KIFC3: variants seen among roughly 807,000 people sequenced by gnomAD.
KIFC3 encodes kinesin-like protein KIFC3.
Under a neutral mutation model 101.8 loss-of-function variants are expected in KIFC3, and 60 were observed. That is an observed-to-expected ratio of 0.59 (90% CI 0.48 to 0.73). KIFC3 has a LOEUF of 0.73. KIFC3 is among the 30% of genes least tolerant of loss of function. The pLI, the probability that KIFC3 is intolerant of heterozygous loss-of-function variation, is 0.00. For missense variants in KIFC3, 966 were observed against 1,137.1 expected (o/e 0.85, Z 2.16); for synonymous variants, 476 against 482.7 (o/e 0.99, Z 0.18).
intron 1 of KIFC3, among the ~76,000 whole-genome samples, chr16:57,853,418 C>CAAAATAAAATAAAATAAAAT (rs71385127): frequency 1.2e-4 from 18 of 146,104 alleles, no homozygotes; most frequent in African/African-American, 3.3e-4. Flanking sequence ...GACTCCATCT[C>CAAAATAAAATAAAATAAAAT]AAAATAAAAT....
At position 57,802,064 on chromosome 16, in the gene KIFC3, A is replaced by G. The variant is rs1343257676; in HGVS notation, c.-40+306T>C. On this transcript the variant is annotated intron_variant, in intron 1 of 19. Transcript: ENST00000445690. The surrounding 1 kb of genome is among the most constrained non-coding windows in gnomAD (Gnocchi z 5.0). Reference sequence around the variant, plus strand: ...GAGGGCGGCGCCGATTGACAAGCCCATCCCGGGTAGGGTCTGCGCTCTTCT... The same window carrying G: ...GAGGGCGGCGCCGATTGACAAGCCCGTCCCGGGTAGGGTCTGCGCTCTTCT... 1.3e-5 allele frequency among the ~76,000 whole-genome samples: 2 copies of G among 152,232 alleles called. No individual in the cohort carries two copies. The highest frequency in any genetic ancestry group is 2.9e-5 in the Non-Finnish European group (2 of 68,028).
At chr16:57,847,860 G>A (rs866260361) in intron 1 of KIFC3, among the ~76,000 whole-genome samples, 2 of 148,284 alleles carry the variant, frequency 1.3e-5, no homozygotes, top group African/African-American at 5.0e-5. Context: ...ATCTCAGCTC[G>A]CTGCAACCTC....
chr16:57,832,606 C>T lies in KIFC3; in HGVS notation c.108+30123G>A, dbSNP rs147095476. Among the ~76,000 whole-genome samples the T allele has an allele frequency of 3.0e-3, 461 of 152,114 alleles. 1 individual carries two copies. Among genetic ancestry groups the T allele is most frequent in the Middle Eastern group, 0.017 (5 of 294 alleles). On this transcript the variant is annotated intron_variant, in intron 1 of 2. Coordinates refer to the KIFC3 transcript ENST00000563028. ...CTAAGATTATAGACGTGAGCCACCGCGCCTGGCCGCAAGGTGAATTTTTTT... is the reference window on the plus strand; with the variant it reads ...CTAAGATTATAGACGTGAGCCACCGTGCCTGGCCGCAAGGTGAATTTTTTT...
rs782217741 is a variant in KIFC3 at position 57,798,110 on chromosome 16, C to T, written c.134G>A (p.Arg45His). 7.6e-6 allele frequency: 12 copies of T among 1,582,600 alleles called. No individual in the cohort carries two copies. The highest frequency in any genetic ancestry group is 2.3e-5 in the East Asian group (1 of 43,224). Residue 45 changes from arginine to histidine, a missense_variant, in exon 2 of 20, where the codon CGC becomes CAC. Physicochemically the swap from Arg to His is conservative, Grantham distance 29 (BLOSUM62 0). Coordinates refer to ENST00000445690, the MANE Select transcript of KIFC3 (RefSeq NM_001130100.2). ...CCCCGGGCCGGTGTGTGGGAAAGGGCGGGCGGCCGGGCTGGCTGGGGCTGG... is the reference window on the plus strand; with the variant it reads ...CCCCGGGCCGGTGTGTGGGAAAGGGTGGGCGGCCGGGCTGGCTGGGGCTGG... ...PAPAPASPAA[R>H]PFPHTGPGRL...
rs2050899967 is a variant in KIFC3 at position 57,769,577 on chromosome 16, C to T, written c.1218+18G>A. 1 of 1,603,680 alleles carries T rather than the reference C, an allele frequency of 6.2e-7. No homozygotes were observed. Among genetic ancestry groups the T allele is most frequent in the Non-Finnish European group, 8.5e-7 (1 of 1,176,706 alleles). On this transcript the variant is annotated intron_variant, in intron 9 of 19. Coordinates refer to ENST00000445690, the MANE Select transcript of KIFC3 (RefSeq NM_001130100.2). This position sits in a 1 kb window ranked among gnomAD's most constrained non-coding sequence, Gnocchi z 4.3. The stretch of plus-strand genomic sequence containing the variant: ...CACCCCCTTAGCCTGGACCCTCCCA[C>T]CCACTGCCCTCGCTCACCTCGGCCT...
chr16:57,768,568 C>T (rs1047938388), intron 9 of KIFC3, among the ~76,000 whole-genome samples: 1 of 132,530 alleles, frequency 7.5e-6, no homozygotes, highest in African/African-American at 2.8e-5. Context: ...TCAGAACAGT[C>T]GGGGGAAATG....
chr16:57,783,622 G>A (rs113924547), intron 3 of KIFC3, among the ~76,000 whole-genome samples: 3 of 151,806 alleles, frequency 2.0e-5, no homozygotes, highest in South Asian at 2.1e-4. Context: ...ACAGGCGCCC[G>A]CCACCACACC....
At chr16:57,789,806 G>A (rs551935268) in intron 3 of KIFC3, among the ~76,000 whole-genome samples, 16 of 150,640 alleles carry the variant, frequency 1.1e-4, no homozygotes, top group Admixed American at 8.6e-4. Flanking sequence ...GTGTGATCTC[G>A]GCTCACTGCA....
intron 2 of KIFC3, among the ~76,000 whole-genome samples, chr16:57,796,761 GAC>G (rs1167253925): frequency 2.0e-5 from 3 of 152,082 alleles, no homozygotes; most frequent in Non-Finnish European, 2.9e-5. Flanking sequence ...CACACACACA[GAC>G]ACACACGACT....
At chr16:57,798,972 G>T (rs1488467823) in intron 1 of KIFC3, among the ~76,000 whole-genome samples, 1 of 152,202 alleles carries the variant, frequency 6.6e-6, no homozygotes, top group Non-Finnish European at 1.5e-5. Flanking sequence ...GGGTCCTTTT[G>T]GATCAGAAGA....
intron 3 of KIFC3, among the ~76,000 whole-genome samples, chr16:57,778,673 A>G (rs1367566866): frequency 6.6e-6 from 1 of 152,240 alleles, no homozygotes; most frequent in Non-Finnish European, 1.5e-5. Flanking sequence ...ATGAAAAGAT[A>G]TTTAATATCA....
intron 1 of KIFC3, among the ~76,000 whole-genome samples, chr16:57,853,791 C>T (rs955008500): frequency 4.6e-5 from 7 of 152,076 alleles, no homozygotes; most frequent in Admixed American, 1.3e-4. Context: ...GCCACCATAC[C>T]CGGATAATTT....
chr16:57,773,402 G>A lies in KIFC3; in HGVS notation c.316-1114C>T, dbSNP rs556733479. On this transcript the variant is annotated intron_variant, in intron 3 of 19. Transcript: ENST00000445690. Reference sequence around the variant, plus strand: ...GTACTCTCCTCGGACGACAGGAGGTGAGAACGCACACCCAGCATCGCCAAA... The same window carrying A: ...GTACTCTCCTCGGACGACAGGAGGTAAGAACGCACACCCAGCATCGCCAAA... 1.3e-3 allele frequency among the ~76,000 whole-genome samples: 193 copies of A among 152,320 alleles called. 1 individual carries two copies. Among genetic ancestry groups the A allele is most frequent in the African/African-American group, 4.6e-3 (190 of 41,562 alleles).
At chr16:57,837,045 C>T (rs117800088) in intron 1 of KIFC3, among the ~76,000 whole-genome samples, 2 of 152,206 alleles carry the variant, frequency 1.3e-5, no homozygotes, top group East Asian at 3.9e-4. Context: ...CATTAGAAAC[C>T]AGTGCATATA....
At chr16:57,816,457 G>T (rs782146541) in intron 1 of KIFC3, 3 of 462,782 alleles carry the variant, frequency 6.5e-6, no homozygotes, top group South Asian at 4.6e-5. Context: ...GGGAAACTCT[G>T]GGCTCAGAGC....
At chr16:57,794,033 A>T (rs1568041852) in intron 3 of KIFC3, among the ~76,000 whole-genome samples, 1 of 152,192 alleles carries the variant, frequency 6.6e-6, no homozygotes, top group Non-Finnish European at 1.5e-5. Flanking sequence ...AACCTCTCTG[A>T]GCCTCCACAT....
Position 57,766,993 on chromosome 16 carries a change from G to T in KIFC3, c.1219-8C>A. ...CTCGATGGCCTGGCCTATCTGGTGG[G>T]GGGTGCACACCACTGTCAGGGGGAC... is the stretch of plus-strand genomic sequence containing the variant. On this transcript the variant is annotated splice_polypyrimidine_tract_variant and splice_region_variant and intron_variant, in intron 9 of 19. Coordinates refer to ENST00000445690, the MANE Select transcript of KIFC3 (RefSeq NM_001130100.2). 6.2e-7 allele frequency: 1 copy of T among 1,609,856 alleles called. No individual in the cohort carries two copies. Among genetic ancestry groups the T allele is most frequent in the South Asian group, 1.1e-5 (1 of 91,004 alleles).
chr16:57,823,682 C>G (rs530559985), intron 1 of KIFC3, among the ~76,000 whole-genome samples: 2 of 152,078 alleles, frequency 1.3e-5, no homozygotes, highest in African/African-American at 4.8e-5. Flanking sequence ...AACCTCCACC[C>G]CCCAGGTTCC....
At chr16:57,778,949 T>C (rs1356212120) in intron 3 of KIFC3, among the ~76,000 whole-genome samples, 2 of 152,146 alleles carry the variant, frequency 1.3e-5, no homozygotes, top group East Asian at 1.9e-4. Context: ...GATAAGGATA[T>C]GGAGAAACTG....
Sources: gnomAD v4.1 joint callset for allele counts (sites outside exome capture counted in the v4.1 genomes callset) on GRCh38, gnomAD v4.1.1 for gene constraint, Gnocchi (gnomAD v3.1) non-coding constraint, MANE v1.5 for transcripts, NCBI Gene and HGNC (gene_info 2026-07-23, HGNC 2026-07-21) for gene names.